The following GRIA1 variants were observed in gnomAD, a reference collection of about 807,000 sequenced individuals.
The protein encoded by GRIA1 is glutamate receptor 1.
Under a neutral mutation model 99.2 loss-of-function variants are expected in GRIA1, and 31 were observed. The observed-to-expected ratio is 0.31, with a 90% CI of 0.23 to 0.42. The LOEUF is 0.42. GRIA1 is among the 10% of genes least tolerant of loss of function. The probability of loss-of-function intolerance (pLI) is 1.00; values close to 1 mark genes in which losing one functional copy is unlikely to be tolerated. For missense variants in GRIA1, 782 were observed against 1,157.5 expected (o/e 0.68, Z 4.71); for synonymous variants, 438 against 432.4 (o/e 1.01, Z -0.16).
intron 11 of GRIA1, among the ~76,000 whole-genome samples, chr5:153,715,689 T>C (rs1759618713): frequency 6.6e-6 from 1 of 152,190 alleles, no homozygotes; most frequent in Admixed American, 6.5e-5. Flanking sequence ...CCTACACCTC[T>C]CTGAGGGCAT....
rs147418341 is a variant in GRIA1, at chr5:153,698,140, G to A, written c.1231G>A (p.Val411Ile). ...NSSVQNRTYI[V>I]TTILEDPYVM... ...AAGTGTTCAGAACAGAACATACATC[G>A]TCACAACAATCCTAGTGAGTACTCA... Residue 411 changes from valine (V) to isoleucine (I), a missense_variant, in exon 9 of 16, where the codon GTC (valine) becomes ATC (isoleucine). Coordinates refer to ENST00000285900, the MANE Select transcript of GRIA1 (RefSeq NM_000827.4). 24 of 1,585,886 alleles carry A rather than the reference G, an allele frequency of 1.5e-5. No homozygotes were observed. Among genetic ancestry groups the A allele is most frequent in the South Asian group, 8.9e-5 (8 of 90,392 alleles).
At chr5:153,617,182 G>A (rs1766581168) in intron 2 of GRIA1, among the ~76,000 whole-genome samples, 1 of 151,314 alleles carries the variant, frequency 6.6e-6, no homozygotes, top group African/African-American at 2.5e-5. Context: ...ATGAGAGTGA[G>A]ATTCCTATGA....
At chr5:153,716,605 G>A (rs1212305265) in intron 11 of GRIA1, among the ~76,000 whole-genome samples, 1 of 152,106 alleles carries the variant, frequency 6.6e-6, no homozygotes, top group African/African-American at 2.4e-5. Flanking sequence ...AGCCTGCTCA[G>A]CTGGAGTGAG....
chr5:153,724,336 G>T (rs1760331623), intron 11 of GRIA1, among the ~76,000 whole-genome samples: 1 of 152,020 alleles, frequency 6.6e-6, no homozygotes, highest in African/African-American at 2.4e-5. Flanking sequence ...AAAAAGCAGA[G>T]CACCTCTCCT....
In GRIA1 at chr5:153,698,167, T is replaced by C; in HGVS notation, c.1245+13T>C. ...CACAACAATCCTAGTGAGTACTCAGTCCTTCATCAAGGTTACTTGGGATTC... is the reference window on the plus strand; with the variant it reads ...CACAACAATCCTAGTGAGTACTCAGCCCTTCATCAAGGTTACTTGGGATTC... On this transcript the variant is annotated intron_variant, in intron 9 of 15. Coordinates refer to ENST00000285900, the MANE Select transcript of GRIA1 (RefSeq NM_000827.4). 1 of 1,379,820 alleles carries C rather than the reference T, an allele frequency of 7.2e-7. No individual in the cohort carries two copies. Among genetic ancestry groups the C allele is most frequent in the Non-Finnish European group, 1.0e-6 (1 of 968,482 alleles). 85.5% of individuals were successfully genotyped at this position (1,379,820 alleles called of 1,614,324 possible).
chr5:153,781,260 C>A (rs755993228), intron 13 of GRIA1, among the ~76,000 whole-genome samples: 1 of 152,114 alleles, frequency 6.6e-6, no homozygotes, highest in African/African-American at 2.4e-5. Context: ...TATTATTCAT[C>A]CTTCCTCAGA....
intron 11 of GRIA1, among the ~76,000 whole-genome samples, chr5:153,756,301 T>G (rs1045466329): frequency 1.3e-5 from 2 of 151,794 alleles, no homozygotes; most frequent in Admixed American, 1.3e-4. Flanking sequence ...CCCCCACCCA[T>G]GCAGGAAATT....
At chr5:153,664,850 ACT>A (rs1755630944) in intron 5 of GRIA1, among the ~76,000 whole-genome samples, 1 of 152,210 alleles carries the variant, frequency 6.6e-6, no homozygotes, top group Admixed American at 6.5e-5. Flanking sequence ...ATGGGCACCT[ACT>A]ATATGGGAGG....
chr5:153,634,381 G>A (rs1367684275), intron 2 of GRIA1, among the ~76,000 whole-genome samples: 1 of 151,772 alleles, frequency 6.6e-6, no homozygotes, highest in East Asian at 1.9e-4. Flanking sequence ...TATGAAGAGA[G>A]AACATTTTAA....
chr5:153,699,571 T>A (rs1427187135), intron 10 of GRIA1, among the ~76,000 whole-genome samples: 1 of 152,202 alleles, frequency 6.6e-6, no homozygotes, highest in Non-Finnish European at 1.5e-5. Flanking sequence ...TACTACTCCT[T>A]CAAAACCTAT....
At chr5:153,579,282 A>G (rs932941533) in intron 2 of GRIA1, among the ~76,000 whole-genome samples, 10 of 152,202 alleles carry the variant, frequency 6.6e-5, no homozygotes, top group African/African-American at 2.2e-4. Flanking sequence ...ATTTATGTTC[A>G]TTTGTTTATT....
At chr5:153,660,408 A>G (rs1755279664) in intron 5 of GRIA1, among the ~76,000 whole-genome samples, 1 of 152,212 alleles carries the variant, frequency 6.6e-6, no homozygotes, top group South Asian at 2.1e-4. Flanking sequence ...AGAAAGGTTG[A>G]CTTTTCCACA....
chr5:153,802,998 C>G (rs1766157140), intron 15 of GRIA1, among the ~76,000 whole-genome samples: 2 of 152,120 alleles, frequency 1.3e-5, no homozygotes, highest in Non-Finnish European at 2.9e-5. Context: ...GACCCCAAAC[C>G]ACATCAAATG....
intron 5 of GRIA1, among the ~76,000 whole-genome samples, chr5:153,662,449 C>T (rs1755438616): frequency 6.6e-6 from 1 of 152,194 alleles, no homozygotes; most frequent in African/African-American, 2.4e-5. Flanking sequence ...TAGATGGCCA[C>T]CTACCCTGTC....
rs529382407 is a variant in GRIA1 at position 153,601,899 on chromosome 5, C to A, written c.221-45029C>A. 7.2e-5 allele frequency among the ~76,000 whole-genome samples: 11 copies of A among 152,304 alleles called. 1 individual carries two copies. The South Asian group carries it at 2.3e-3, about 32-fold the overall frequency. ...GTGCCTAGTATTGGCCAGGAGATGC[C>A]TCCAGGGCTGCTAGAAAGGAGAAGG... On this transcript the variant is annotated intron_variant, in intron 2 of 15. Transcript: ENST00000285900.
At chr5:153,681,538 G>T (rs1215247593) in intron 7 of GRIA1, among the ~76,000 whole-genome samples, 1 of 152,184 alleles carries the variant, frequency 6.6e-6, no homozygotes, top group African/African-American at 2.4e-5. Flanking sequence ...GAAAGGACTT[G>T]CACATGTCAC....
chr5:153,651,433 A>T (rs1248099948), intron 4 of GRIA1, among the ~76,000 whole-genome samples: 1 of 124,546 alleles, frequency 8.0e-6, no homozygotes, highest in Non-Finnish European at 1.9e-5. Context: ...TGCCCACCAC[A>T]GAATTAGCAG....
chr5:153,726,577 G>C (rs12659290), intron 11 of GRIA1, among the ~76,000 whole-genome samples: 2 of 151,838 alleles, frequency 1.3e-5, no homozygotes, highest in African/African-American at 4.8e-5. Context: ...CAATCCCACA[G>C]AAATACAAAC....
intron 5 of GRIA1, among the ~76,000 whole-genome samples, chr5:153,664,898 T>C (rs1755634993): frequency 6.6e-6 from 1 of 152,208 alleles, no homozygotes; most frequent in Non-Finnish European, 1.5e-5. Flanking sequence ...CATCAAAAGA[T>C]GGGCATGCTA....
Sources: allele counts gnomAD v4.1 joint callset (sites outside exome capture counted in the v4.1 genomes callset), GRCh38; gene constraint gnomAD v4.1.1; transcripts MANE v1.5; gene names NCBI Gene and HGNC (gene_info 2026-07-23, HGNC 2026-07-21).